The following GALNTL6 variants were observed in gnomAD, a reference collection of about 807,000 sequenced individuals.
The protein encoded by GALNTL6 is polypeptide N-acetylgalactosaminyltransferase like 6.
GALNTL6 carries 46 observed loss-of-function variants against 73.7 expected under a neutral mutation model. The observed-to-expected ratio is 0.62, with a 90% confidence interval of 0.49 to 0.80. The LOEUF is 0.80. GALNTL6 is among the 30% of genes least tolerant of loss of function. The pLI, the probability that GALNTL6 is intolerant of heterozygous loss-of-function variation, is 0.00. For synonymous variants in GALNTL6, 259 were observed against 263.7 expected (o/e 0.98, Z 0.17); for missense variants, 604 against 755.0 (o/e 0.80, Z 2.34).
At chr4:172,397,588 T>C (rs1015996029) in intron 5 of GALNTL6, among the ~76,000 whole-genome samples, 3 of 151,670 alleles carry the variant, frequency 2.0e-5, no homozygotes, top group Non-Finnish European at 4.4e-5. Context: ...TTTATTTATT[T>C]ATTTATTTAA....
At chr4:172,633,881 G>A (rs1237223342) in intron 5 of GALNTL6, among the ~76,000 whole-genome samples, 2 of 152,168 alleles carry the variant, frequency 1.3e-5, no homozygotes, top group African/African-American at 2.4e-5. Context: ...GAGTTCCCCT[G>A]CATAAGCTCT....
Position 171,992,540 on chromosome 4 carries a change from A to G in GALNTL6, c.138+177822A>G, listed in dbSNP as rs545070509. Among the ~76,000 whole-genome samples the G allele has an allele frequency of 2.6e-5, 4 of 152,208 alleles. No individual in the cohort carries two copies. The East Asian group carries it at 7.7e-4, about 29-fold the overall frequency. On this transcript the variant is annotated intron_variant, in intron 2 of 12. Transcript: ENST00000506823. ...CTCAGATCTTCTTACTCTACCTAGT[A>G]TCTGATAAAACTGATAGTTGGGAAA... is the stretch of plus-strand genomic sequence containing the variant.
At chr4:172,200,798 C>T (rs1315485315) in intron 2 of GALNTL6, among the ~76,000 whole-genome samples, 2 of 152,128 alleles carry the variant, frequency 1.3e-5, no homozygotes, top group South Asian at 2.1e-4. Context: ...AGTAGTAACA[C>T]GTGAATTGTT....
intron 10 of GALNTL6, among the ~76,000 whole-genome samples, chr4:172,996,039 C>A (rs1181361688): frequency 2.0e-5 from 3 of 152,104 alleles, no homozygotes; most frequent in Non-Finnish European, 2.9e-5. Flanking sequence ...GATTTATATT[C>A]CTTTGGATAC....
At position 172,823,707 on chromosome 4, in the gene GALNTL6, A is replaced by G. The variant is rs78254577; in HGVS notation, c.923+9984A>G. 7.9e-3 allele frequency among the ~76,000 whole-genome samples: 1,211 copies of G among 152,344 alleles called. 13 individuals are homozygous for G. The highest frequency in any genetic ancestry group is 0.027 in the African/African-American group (1,138 of 41,586). On this transcript the variant is annotated intron_variant, in intron 7 of 12. Transcript: ENST00000506823. Reference sequence around the variant, plus strand: ...AGAAGAAAAGGAAGAAATGAAGAAGACAGCAGAAGGCATTTATCCAGTATG... The same window carrying G: ...AGAAGAAAAGGAAGAAATGAAGAAGGCAGCAGAAGGCATTTATCCAGTATG...
intron 5 of GALNTL6, among the ~76,000 whole-genome samples, chr4:172,605,569 G>T (rs1738221620): frequency 1.3e-5 from 2 of 152,110 alleles, no homozygotes; most frequent in African/African-American, 4.8e-5. Flanking sequence ...CTTCTAGGAG[G>T]TCTCTAGATA....
At chr4:172,600,853 C>T (rs1419206890) in intron 5 of GALNTL6, among the ~76,000 whole-genome samples, 1 of 151,956 alleles carries the variant, frequency 6.6e-6, no homozygotes, top group Non-Finnish European at 1.5e-5. Flanking sequence ...AAAGTTGCTA[C>T]TCTATAATAG....
intron 2 of GALNTL6, among the ~76,000 whole-genome samples, chr4:171,975,702 G>T (rs1739700364): frequency 1.3e-5 from 2 of 152,100 alleles, no homozygotes; most frequent in South Asian, 4.1e-4. Flanking sequence ...CTCTACAAAA[G>T]AACTTGCTCT....
chr4:172,006,782 C>T (rs146092045), intron 2 of GALNTL6, among the ~76,000 whole-genome samples: 56 of 151,992 alleles, frequency 3.7e-4, no homozygotes, highest in South Asian at 1.9e-3. Context: ...AAGTTCATCA[C>T]GGCATACATG....
intron 5 of GALNTL6, among the ~76,000 whole-genome samples, chr4:172,534,063 A>G (rs912950289): frequency 6.6e-6 from 1 of 152,190 alleles, no homozygotes; most frequent in African/African-American, 2.4e-5. Flanking sequence ...GCAGGCTACA[A>G]ATAAAGGGTA....
At chr4:172,757,725 A>G (rs1370633345) in intron 5 of GALNTL6, among the ~76,000 whole-genome samples, 1 of 152,226 alleles carries the variant, frequency 6.6e-6, no homozygotes, top group Admixed American at 6.5e-5. Context: ...CATAAATATT[A>G]ATTCTGGTGA....
rs1003110901 is a variant in GALNTL6 at position 172,758,517 on chromosome 4, C to T, written c.554-50844C>T. Among the ~76,000 whole-genome samples, 4 of 152,308 alleles carry T rather than the reference C, an allele frequency of 2.6e-5. No individual in the cohort carries two copies. The East Asian group carries it at 7.7e-4, about 29-fold the overall frequency. ...CGCCCCTGCACTCCAGCCTGGGTGA[C>T]AGAGTGAGACTGTGTCTCTAAAAAC... On this transcript the variant is annotated intron_variant, in intron 5 of 12. Coordinates refer to ENST00000506823, the MANE Select transcript of GALNTL6 (RefSeq NM_001034845.3).
At position 172,190,101 on chromosome 4, in the gene GALNTL6, A is replaced by G. The variant is rs979272296; in HGVS notation, c.139-39555A>G. Among the ~76,000 whole-genome samples the G allele has an allele frequency of 4.6e-5, 7 of 152,184 alleles. No individual in the cohort carries two copies. In the South Asian group the frequency reaches 1.4e-3, roughly 32 times the overall value. Reference sequence around the variant, plus strand: ...CTAGTATTTTTAAAAGAATACAAGTAAGAAAAGGGAGGCTTGAAGATTATG... The same window carrying G: ...CTAGTATTTTTAAAAGAATACAAGTGAGAAAAGGGAGGCTTGAAGATTATG... On this transcript the variant is annotated intron_variant, in intron 2 of 12. Coordinates refer to ENST00000506823, the MANE Select transcript of GALNTL6 (RefSeq NM_001034845.3).
chr4:172,562,717 T>C (rs1335225128), intron 5 of GALNTL6, among the ~76,000 whole-genome samples: 1 of 152,254 alleles, frequency 6.6e-6, no homozygotes, highest in African/African-American at 2.4e-5. Context: ...TCACGGATCA[T>C]TCACTGCCTC....
intron 5 of GALNTL6, among the ~76,000 whole-genome samples, chr4:172,625,471 C>G (rs1034979598): frequency 6.6e-6 from 1 of 151,958 alleles, no homozygotes; most frequent in Non-Finnish European, 1.5e-5. Flanking sequence ...TTGTGAATAG[C>G]ATCACGATGA....
intron 3 of GALNTL6, among the ~76,000 whole-genome samples, chr4:172,256,923 G>T (rs1251696235): frequency 6.6e-6 from 1 of 151,198 alleles, no homozygotes; most frequent in African/African-American, 2.4e-5. Flanking sequence ...TCATGGTAAG[G>T]TTCAGAAAAC....
At chr4:171,867,336 A>G (rs1341678652) in intron 2 of GALNTL6, among the ~76,000 whole-genome samples, 1 of 152,216 alleles carries the variant, frequency 6.6e-6, no homozygotes, top group Non-Finnish European at 1.5e-5. Context: ...ATGTATTAAA[A>G]TAGTCCAGAA....
intron 2 of GALNTL6, among the ~76,000 whole-genome samples, chr4:172,008,586 G>A (rs1740904774): frequency 6.6e-6 from 1 of 152,038 alleles, no homozygotes; most frequent in Non-Finnish European, 1.5e-5. Context: ...TAATGAAGAA[G>A]AGAAATAGGG....
intron 2 of GALNTL6, among the ~76,000 whole-genome samples, chr4:172,088,128 T>C (rs964071562): frequency 3.3e-5 from 5 of 152,202 alleles, no homozygotes; most frequent in Non-Finnish European, 5.9e-5. Context: ...ATAATTAAAA[T>C]AAATTATGTT....
Sources: gnomAD v4.1 joint callset for allele counts (sites outside exome capture counted in the v4.1 genomes callset) on GRCh38, gnomAD v4.1.1 for gene constraint, MANE v1.5 for transcripts, NCBI Gene and HGNC (gene_info 2026-07-23, HGNC 2026-07-21) for gene names.